The following SEMA4D variants were observed in gnomAD, a reference collection of about 807,000 sequenced individuals.
SEMA4D encodes the protein semaphorin-4D.
In SEMA4D, 22 loss-of-function variants were observed where a neutral mutation model predicts 74.8. That is an observed-to-expected ratio of 0.29 (90% confidence interval 0.21 to 0.42). The LOEUF is 0.42. Ranked by LOEUF, SEMA4D falls within the 10% of genes least tolerant of loss-of-function variation. The pLI, the probability that SEMA4D is intolerant of heterozygous loss-of-function variation, is 1.00. For synonymous variants in SEMA4D, 445 were observed against 463.7 expected (o/e 0.96, Z 0.52); for missense variants, 937 against 1,118.4 (o/e 0.84, Z 2.31).
chr9:89,439,001 A>G (rs1176494922), intron 2 of SEMA4D, among the ~76,000 whole-genome samples: 2 of 85,774 alleles, frequency 2.3e-5, no homozygotes, highest in East Asian at 8.6e-4. Context: ...TTTTTTTTTA[A>G]CATGGAGTCT....
chr9:89,363,007 C>T (rs1213879714), intron 18 of SEMA4D, among the ~76,000 whole-genome samples: 1 of 152,214 alleles, frequency 6.6e-6, no homozygotes, highest in Non-Finnish European at 1.5e-5. Flanking sequence ...CTCCCCCTGA[C>T]CCCTCCAACA....
rs915026976 is a variant in SEMA4D, at chr9:89,443,532, C to T, written c.-244+12356G>A. Reference sequence around the variant, plus strand: ...ACTCCACCCGCCCATAATAGCCACCCGGGAAGCAGGTCCGGCCAGCAGCAG... The same window carrying T: ...ACTCCACCCGCCCATAATAGCCACCTGGGAAGCAGGTCCGGCCAGCAGCAG... On this transcript the variant is annotated intron_variant, in intron 2 of 15. Transcript: ENST00000422704. Among the ~76,000 whole-genome samples, 7 of 152,366 alleles carry T rather than the reference C, an allele frequency of 4.6e-5. No individual in the cohort carries two copies. The South Asian group carries it at 6.2e-4, about 14-fold the overall frequency.
downstream of SEMA4D, among the ~76,000 whole-genome samples, chr9:89,375,626 G>T (rs185387336): frequency 6.6e-6 from 1 of 152,264 alleles, no homozygotes; most frequent in East Asian, 1.9e-4. Context: ...CCCTCCCCCG[G>T]GGCAGGCTCT....
intron 2 of SEMA4D, among the ~76,000 whole-genome samples, chr9:89,420,543 C>T (rs1473105313): frequency 1.3e-5 from 2 of 152,244 alleles, no homozygotes; most frequent in Non-Finnish European, 1.5e-5. Context: ...AACGCCCAGG[C>T]CTTGCGAACA....
intron 1 of SEMA4D, among the ~76,000 whole-genome samples, chr9:89,469,480 T>C (rs1337005321): frequency 1.3e-5 from 2 of 152,138 alleles, no homozygotes; most frequent in Non-Finnish European, 2.9e-5. Context: ...ACAAGAAGAC[T>C]ATAGGACAAT....
intron 2 of SEMA4D, among the ~76,000 whole-genome samples, chr9:89,440,234 C>T (rs1851397961): frequency 6.6e-6 from 1 of 152,160 alleles, no homozygotes; most frequent in South Asian, 2.1e-4. Context: ...GAGGCTCCCT[C>T]CCCGCCCCTG....
rs150177432 is a variant in SEMA4D, at chr9:89,405,419, G to C, written c.38C>G (p.Ala13Gly). 7.1e-5 allele frequency: 114 copies of C among 1,613,922 alleles called. No homozygotes were observed. The highest frequency in any genetic ancestry group is 9.3e-5 in the Non-Finnish European group (110 of 1,180,022). Residue 13 changes from alanine (A) to glycine (G), a missense_variant, in exon 3 of 16, where the codon GCC becomes GGC. Transcript: ENST00000422704. Reference protein sequence around the residue: ...MCTPIRGLLMALAVMFGTAMA... With the variant: ...MCTPIRGLLMGLAVMFGTAMA... ...CGCTGTCCCAAACATCACTGCAAGGGCCATGAGCAGCCCCCTAATGGGGGT... is the reference window on the plus strand; with the variant it reads ...CGCTGTCCCAAACATCACTGCAAGGCCCATGAGCAGCCCCCTAATGGGGGT...
intron 2 of SEMA4D, among the ~76,000 whole-genome samples, chr9:89,443,050 C>A (rs1852011317): frequency 6.6e-6 from 1 of 152,198 alleles, no homozygotes; most frequent in African/African-American, 2.4e-5. Flanking sequence ...GCCTGCACAG[C>A]CTCTGCCTGA....
intron 9 of SEMA4D, among the ~76,000 whole-genome samples, chr9:89,390,525 T>C (rs1839624527): frequency 1.3e-5 from 2 of 152,300 alleles, no homozygotes; most frequent in South Asian, 4.1e-4. Flanking sequence ...GCACCCACTT[T>C]TGTGCGCCAT....
chr9:89,483,010 G>A (rs1824846084), intron 1 of SEMA4D, among the ~76,000 whole-genome samples: 1 of 152,232 alleles, frequency 6.6e-6, no homozygotes, highest in African/African-American at 2.4e-5. Flanking sequence ...CTCCCCGAAG[G>A]CTTGATTCCA....
chr9:89,495,067 G>C (rs1342586392), intron 1 of SEMA4D, among the ~76,000 whole-genome samples: 1 of 152,092 alleles, frequency 6.6e-6, no homozygotes, highest in African/African-American at 2.4e-5. Context: ...ATGTGATCCA[G>C]GGCAGGGATG....
chr9:89,475,975 G>A (rs147084713), intron 1 of SEMA4D, among the ~76,000 whole-genome samples: 115 of 152,324 alleles, frequency 7.5e-4, no homozygotes, highest in Non-Finnish European at 1.4e-3. Flanking sequence ...GGTCCCCAGA[G>A]GCACCTAAGG....
chr9:89,372,133 TGGG>T (rs150883444), intron 16 of SEMA4D, among the ~76,000 whole-genome samples: 1,826 of 24,350 alleles, frequency 0.075, 352 homozygotes, highest in East Asian at 0.18. Context: ...GTGTGTGTGT[TGGG>T]GGGCGTGGTG....
downstream of SEMA4D, chr9:89,376,844 C>A: frequency 1.3e-6 from 2 of 1,548,756 alleles, no homozygotes; most frequent in African/African-American, 2.7e-5. Flanking sequence ...TGTGGCCTGG[C>A]AGAAGAGGTA....
chr9:89,368,067 A>C (rs1300357754), intron 16 of SEMA4D: 1 of 152,330 alleles, frequency 6.6e-6, no homozygotes, highest in Non-Finnish European at 1.5e-5. Context: ...ACATCCACCC[A>C]GTGACTGAGT....
At chr9:89,480,266 C>T (rs1400306097) in intron 1 of SEMA4D, among the ~76,000 whole-genome samples, 6 of 152,222 alleles carry the variant, frequency 3.9e-5, no homozygotes, top group Non-Finnish European at 7.3e-5. Context: ...GAGCTAAACA[C>T]AGGGTGCTGA....
chr9:89,467,500 G>A (rs533548116), intron 1 of SEMA4D, among the ~76,000 whole-genome samples: 10 of 151,544 alleles, frequency 6.6e-5, no homozygotes, highest in African/African-American at 2.2e-4. Context: ...CGGGGGAGTG[G>A]GGGAGGGGGA....
intron 2 of SEMA4D, among the ~76,000 whole-genome samples, chr9:89,415,289 G>T (rs902992962): frequency 9.2e-5 from 14 of 152,150 alleles, no homozygotes; most frequent in African/African-American, 3.4e-4. Flanking sequence ...TCTCTAAGGG[G>T]GCCAACGGTC....
rs1384996113 is a variant in SEMA4D at position 89,484,805 on chromosome 9, G to T, written c.-310+13114C>A. On this transcript the variant is annotated intron_variant, in intron 1 of 15. Transcript: ENST00000422704. The surrounding 1 kb of genome is among the most constrained non-coding windows in gnomAD (Gnocchi z 4.1). ...GTGGTGTGGTGTGTGGATGTATTGTGTGGTGGGTGTGTGGTGTGTGGATGT... is the reference window on the plus strand; with the variant it reads ...GTGGTGTGGTGTGTGGATGTATTGTTTGGTGGGTGTGTGGTGTGTGGATGT... 6.6e-6 allele frequency among the ~76,000 whole-genome samples: 1 copy of T among 151,046 alleles called. No individual in the cohort carries two copies. The highest frequency in any genetic ancestry group is 6.6e-5 in the Admixed American group (1 of 15,172).
Sources: gnomAD v4.1 joint callset for allele counts (sites outside exome capture counted in the v4.1 genomes callset) on GRCh38, gnomAD v4.1.1 for gene constraint, Gnocchi (gnomAD v3.1) non-coding constraint, MANE v1.5 for transcripts, NCBI Gene and HGNC (gene_info 2026-07-23, HGNC 2026-07-21) for gene names.